Variants in ZNF729 observed in about 807,000 individuals in gnomAD.
The protein encoded by ZNF729 is zinc finger protein 729.
Under a neutral mutation model 12.2 loss-of-function variants are expected in ZNF729, and 15 were observed. The observed-to-expected ratio is 1.23, with a 90% CI of 0.82 to 1.89. The LOEUF is 1.89. Ranked by LOEUF, ZNF729 falls within the 40% of genes most tolerant of loss-of-function variation. ZNF729 has a pLI of 0.00. For missense variants in ZNF729, 1,540 were observed against 1,456.7 expected, an observed-to-expected ratio of 1.06 and a Z score of -0.93; for synonymous variants, 492 against 476.3, an observed-to-expected ratio of 1.03 and a Z score of -0.43.
rs780419463 is a variant in ZNF729 at position 22,315,505 on chromosome 19, C to A, written c.2088C>A (p.Phe696Leu). 9 of 1,611,184 alleles carry A rather than the reference C, an allele frequency of 5.6e-6. No homozygotes were observed. The highest frequency in any genetic ancestry group is 6.8e-6 in the Non-Finnish European group (8 of 1,179,522). The change falls in exon 4 of 4, where the codon TTC (phenylalanine) becomes TTA (leucine). Residue 696 changes from phenylalanine (F) to leucine (L), a missense_variant. By Grantham distance (22) the Phe-to-Leu change is conservative. Transcript: ENST00000601693. ...AATGTGGCAAAGCTTTTAGCCATTT[C>A]TCAGCCCTTAGAAGACATAAGATAA... is the stretch of plus-strand genomic sequence containing the variant. ...CEECGKAFSH[F>L]SALRRHKIIH...
intron 1 of ZNF729, among the ~76,000 whole-genome samples, chr19:22,294,169 T>C (rs1278707221): frequency 6.6e-6 from 1 of 152,246 alleles, no homozygotes; most frequent in Non-Finnish European, 1.5e-5. Flanking sequence ...AGGGGTCCAG[T>C]TTCAATTTTC....
At chr19:22,313,413 CTG>C (rs1002126452) in intron 3 of ZNF729, among the ~76,000 whole-genome samples, 5 of 152,214 alleles carry the variant, frequency 3.3e-5, no homozygotes, top group African/African-American at 1.2e-4. Flanking sequence ...CATTGGGAAA[CTG>C]TAACCGACTT....
intron 3 of ZNF729, among the ~76,000 whole-genome samples, chr19:22,307,813 T>G (rs4932974): frequency 0.11 from 14,760 of 140,272 alleles, 993 homozygotes; most frequent in East Asian, 0.24. Flanking sequence ...TTTTTTTTTT[T>G]TTTTTTTTTT....
chr19:22,298,178 ATAAAT>A (rs768483234), intron 1 of ZNF729, among the ~76,000 whole-genome samples: 1 of 152,118 alleles, frequency 6.6e-6, no homozygotes, highest in Non-Finnish European at 1.5e-5. Flanking sequence ...CTGCATTCAT[ATAAAT>A]TAAACAGCAT....
intron 1 of ZNF729, among the ~76,000 whole-genome samples, chr19:22,291,349 C>G (rs1481539249): frequency 6.6e-6 from 1 of 152,084 alleles, no homozygotes; most frequent in East Asian, 1.9e-4. Context: ...AACAGACCCC[C>G]TTTTTCCACT....
intron 1 of ZNF729, among the ~76,000 whole-genome samples, chr19:22,302,910 C>T (rs1028096344): frequency 2.0e-5 from 3 of 152,142 alleles, no homozygotes; most frequent in African/African-American, 4.8e-5. Flanking sequence ...CTGCCTCAGC[C>T]TCCAGAATAG....
chr19:22,313,566 G>C, intron 3 of ZNF729, 105 bp from the exon 4 acceptor site: 1 of 1,005,692 alleles, frequency 9.9e-7, no homozygotes. Flanking sequence ...GTCTTATTTT[G>C]CTGTGCCATC....
At position 22,314,412 on chromosome 19, in the gene ZNF729, T is replaced by G; in HGVS notation, c.995T>G (p.Phe332Cys). 1 of 1,583,100 alleles carries G rather than the reference T, an allele frequency of 6.3e-7. No individual in the cohort carries two copies. The highest frequency in any genetic ancestry group is 8.6e-7 in the Non-Finnish European group (1 of 1,163,022). The change falls in exon 4 of 4, where the codon TTC becomes TGC. Residue 332 changes from phenylalanine to cysteine, a missense_variant. By Grantham distance (205) the Phe-to-Cys change is radical. Transcript: ENST00000601693. ...CEDCGKTFNH[F>C]SALRKHKIIH... ...GATTGTGGCAAAACTTTTAACCATT[T>G]CTCAGCCCTTAGAAAACATAAGATA... is the stretch of plus-strand genomic sequence containing the variant.
rs1240239130 is a variant in ZNF729, at chr19:22,286,571, C to G, written c.30+16C>G. The stretch of plus-strand genomic sequence containing the variant: ...CCTAGAAATGGTGAGAGTGCCGGGT[C>G]CGACATCCCGAGAAGGGGAAGGGGC... On this transcript the variant is annotated intron_variant, in intron 1 of 3. Coordinates refer to ENST00000601693, the MANE Select transcript of ZNF729 (RefSeq NM_001242680.2). 6.2e-7 allele frequency: 1 copy of G among 1,613,918 alleles called. No homozygotes were observed. Among genetic ancestry groups the G allele is most frequent in the Admixed American group, 1.7e-5 (1 of 59,994 alleles).
At chr19:22,295,040 G>T (rs980797506) in intron 1 of ZNF729, among the ~76,000 whole-genome samples, 3 of 120,284 alleles carry the variant, frequency 2.5e-5, no homozygotes, top group Non-Finnish European at 5.2e-5. Context: ...CTAGATATTT[G>T]TGTGTGTGTG....
intron 3 of ZNF729, among the ~76,000 whole-genome samples, chr19:22,310,407 T>C (rs1968436861): frequency 6.6e-6 from 1 of 152,172 alleles, no homozygotes. Context: ...GTTTTAATCA[T>C]AAAGGGATGT....
At chr19:22,304,610 T>G in intron 2 of ZNF729, 78 bp from the exon 3 acceptor site, 1 of 1,204,498 alleles carries the variant, frequency 8.3e-7, no homozygotes, top group Non-Finnish European at 1.2e-6. Context: ...ACTAGAATAT[T>G]CTATTACATT....
At position 22,316,536 on chromosome 19, in the gene ZNF729, T is replaced by G; in HGVS notation, c.3119T>G (p.Ile1040Arg). ...TTCTCAGCCCTTATGAAACATAAGATAATTCATACTGGGGAGAAACCCTAC... is the reference window on the plus strand; with the variant it reads ...TTCTCAGCCCTTATGAAACATAAGAGAATTCATACTGGGGAGAAACCCTAC... Reference protein sequence around the residue: ...NNFSALMKHKIIHTGEKPYKC... With the variant: ...NNFSALMKHKRIHTGEKPYKC... Residue 1040 changes from isoleucine (I) to arginine (R), a missense_variant, in exon 4 of 4, where the codon ATA (isoleucine) becomes AGA (arginine). Transcript: ENST00000601693. The G allele has an allele frequency of 3.1e-6, 5 of 1,613,584 alleles. No individual in the cohort carries two copies. Among genetic ancestry groups the G allele is most frequent in the East Asian group, 2.2e-5 (1 of 44,830 alleles).
In ZNF729 at chr19:22,315,389, T is replaced by C. The variant is rs1244749276; in HGVS notation, c.1972T>C (p.Cys658Arg). The C allele has an allele frequency of 1.2e-6, 2 of 1,613,502 alleles. No individual in the cohort carries two copies. Among genetic ancestry groups the C allele is most frequent in the East Asian group, 2.2e-5 (1 of 44,834 alleles). The change falls in exon 4 of 4, where the codon TGT becomes CGT. Residue 658 changes from cysteine to arginine, a missense_variant. Physicochemically the swap from Cys to Arg is radical, Grantham distance 180. Coordinates refer to ENST00000601693, the MANE Select transcript of ZNF729 (RefSeq NM_001242680.2). ...AIHTGEKPYK[C>R]EECGKAFSHF... The stretch of plus-strand genomic sequence containing the variant: ...TCATACTGGAGAGAAACCTTACAAA[T>C]GTGAAGAATGTGGCAAAGCTTTTAG...
chr19:22,300,273 A>G (rs547358349), intron 1 of ZNF729, among the ~76,000 whole-genome samples: 3 of 152,170 alleles, frequency 2.0e-5, no homozygotes, highest in African/African-American at 7.2e-5. Context: ...GGTGCTATAC[A>G]TTTTTCTACT....
Position 22,315,989 on chromosome 19 carries a change from G to A in ZNF729, c.2572G>A (p.Gly858Ser). 3 of 1,611,222 alleles carry A rather than the reference G, an allele frequency of 1.9e-6. No homozygotes were observed. The highest frequency in any genetic ancestry group is 2.5e-6 in the Non-Finnish European group (3 of 1,179,782). Reference protein sequence around the residue: ...GKKPYKCEECGKAFSQSSSLR... With the variant: ...GKKPYKCEECSKAFSQSSSLR... The stretch of plus-strand genomic sequence containing the variant: ...GAAACCCTACAAATGTGAAGAATGT[G>A]GCAAAGCTTTTAGCCAATCCTCATC... Residue 858 changes from glycine to serine, a missense_variant, in exon 4 of 4, where the codon GGC becomes AGC. Physicochemically the swap from Gly to Ser is moderately conservative, Grantham distance 56. Transcript: ENST00000601693.
rs1968492546 is a variant in ZNF729 at position 22,314,380 on chromosome 19, A to G, written c.963A>G (p.Lys321=). The G allele has an allele frequency of 1.9e-6, 3 of 1,593,968 alleles. No individual in the cohort carries two copies. Among genetic ancestry groups the G allele is most frequent in the Non-Finnish European group, 1.7e-6 (2 of 1,167,556 alleles). Residue 321 remains lysine (K), a synonymous_variant, in exon 4 of 4, where the codon AAA becomes AAG. Coordinates refer to ENST00000601693, the MANE Select transcript of ZNF729 (RefSeq NM_001242680.2). ...TTCATACTGCAGAGAAACCCTACAAATGTGAAGATTGTGGCAAAACTTTTA... is the reference window on the plus strand; with the variant it reads ...TTCATACTGCAGAGAAACCCTACAAGTGTGAAGATTGTGGCAAAACTTTTA... ...KVIHTAEKPY[K]CEDCGKTFNH...
At position 22,288,351 on chromosome 19, in the gene ZNF729, T is replaced by C. The variant is rs114866279; in HGVS notation, c.30+1796T>C. Among the ~76,000 whole-genome samples, 325 of 151,578 alleles carry C rather than the reference T, an allele frequency of 2.1e-3. 2 individuals are homozygous for C. Among genetic ancestry groups the C allele is most frequent in the African/African-American group, 7.5e-3 (310 of 41,258 alleles). The stretch of plus-strand genomic sequence containing the variant: ...TTTCCTCCTAGGCCCACAGATTTTA[T>C]CAGAATGTTTCGGGGGTAAATGTTT... On this transcript the variant is annotated intron_variant, in intron 1 of 3. Transcript: ENST00000601693.
chr19:22,286,566 C>T lies in ZNF729; in HGVS notation c.30+11C>T, dbSNP rs950664332. The T allele has an allele frequency of 3.1e-6, 5 of 1,613,774 alleles. No individual in the cohort carries two copies. The highest frequency in any genetic ancestry group is 4.2e-6 in the Non-Finnish European group (5 of 1,179,992). ...GGCAGCCTAGAAATGGTGAGAGTGC[C>T]GGGTCCGACATCCCGAGAAGGGGAA... On this transcript the variant is annotated intron_variant, in intron 1 of 3. Transcript: ENST00000601693.
Sources: gnomAD v4.1 joint callset for allele counts (sites outside exome capture counted in the v4.1 genomes callset) on GRCh38, gnomAD v4.1.1 for gene constraint, MANE v1.5 for transcripts, NCBI Gene and HGNC (gene_info 2026-07-23, HGNC 2026-07-21) for gene names.